Variants in TMEM131 observed in about 807,000 individuals in gnomAD.
TMEM131 encodes 2610524E03Rik.
Under a neutral mutation model 211.6 loss-of-function variants are expected in TMEM131, and 66 were observed. That is an observed-to-expected ratio of 0.31 (90% confidence interval 0.26 to 0.38). TMEM131 has a LOEUF of 0.38. Ranked by LOEUF, TMEM131 falls within the 10% of genes least tolerant of loss-of-function variation. The pLI is 1.00. For missense variants in TMEM131, 2,036 were observed against 2,299.3 expected, an observed-to-expected ratio of 0.89 and a Z score of 2.34; for synonymous variants, 844 against 841.3, an observed-to-expected ratio of 1.00 and a Z score of -0.06.
chr2:97,831,139 C>T (rs372905434), intron 11 of TMEM131, among the ~76,000 whole-genome samples: 4 of 152,180 alleles, frequency 2.6e-5, no homozygotes, highest in African/African-American at 9.7e-5. Context: ...AAATCAGATC[C>T]CAAGTGGTCT....
intron 1 of TMEM131, among the ~76,000 whole-genome samples, chr2:97,961,193 C>G (rs989835437): frequency 2.0e-5 from 3 of 149,206 alleles, no homozygotes; most frequent in Non-Finnish European, 3.0e-5. Context: ...AAGTTAATAA[C>G]AAATATCAAT....
At chr2:97,955,411 C>T (rs1460052255) in intron 1 of TMEM131, among the ~76,000 whole-genome samples, 2 of 152,044 alleles carry the variant, frequency 1.3e-5, no homozygotes, top group African/African-American at 4.8e-5. Context: ...TGATCCACAA[C>T]TTTTTTTCAG....
intron 1 of TMEM131, among the ~76,000 whole-genome samples, chr2:97,963,045 CT>C (rs1401121250): frequency 3.3e-5 from 5 of 152,206 alleles, no homozygotes; most frequent in Non-Finnish European, 7.3e-5. Context: ...CACAGGGGAA[CT>C]TTCTGAGATG....
chr2:97,798,179 T>C (rs537526346), intron 25 of TMEM131, among the ~76,000 whole-genome samples: 54 of 152,406 alleles, frequency 3.5e-4, no homozygotes, highest in Admixed American at 2.6e-3. Context: ...TAGTTTAATA[T>C]TCAAAATATG....
chr2:97,842,031 A>C, intron 6 of TMEM131, 94 bp from the exon 7 acceptor site: 3 of 1,157,506 alleles, frequency 2.6e-6, no homozygotes, highest in South Asian at 6.4e-5. Context: ...TGGCAAATCT[A>C]ATTTATGTAT....
At position 97,770,180 on chromosome 2, in the gene TMEM131, A is replaced by G. The variant is rs547575305; in HGVS notation, c.4448+2117T>C. ...GTGACAGTGTTTGACATTTATTATC[A>G]GAATGCAGTGGAGTCACAGAATGGC... On this transcript the variant is annotated intron_variant, in intron 33 of 40. Coordinates refer to ENST00000186436, the MANE Select transcript of TMEM131 (RefSeq NM_015348.2). 1.4e-4 allele frequency among the ~76,000 whole-genome samples: 22 copies of G among 152,342 alleles called. No individual in the cohort carries two copies. The South Asian group carries it at 4.1e-3, about 29-fold the overall frequency.
At position 97,901,384 on chromosome 2, in the gene TMEM131, T is replaced by C. The variant is rs1261031572; in HGVS notation, c.290+7274A>G. Among the ~76,000 whole-genome samples, 15 of 151,982 alleles carry C rather than the reference T, an allele frequency of 9.9e-5. No individual in the cohort carries two copies. The East Asian group carries it at 2.9e-3, about 29-fold the overall frequency. ...AAGTCTTTAATCCATTTTGAGTTGATTTTTGTATATGGTGAGAGATAAGAG... is the reference window on the plus strand; with the variant it reads ...AAGTCTTTAATCCATTTTGAGTTGACTTTTGTATATGGTGAGAGATAAGAG... On this transcript the variant is annotated intron_variant, in intron 3 of 40. Transcript: ENST00000186436.
chr2:97,821,779 T>A (rs1682133071), intron 11 of TMEM131, among the ~76,000 whole-genome samples: 1 of 152,196 alleles, frequency 6.6e-6, no homozygotes, highest in African/African-American at 2.4e-5. Context: ...TAAAAGCGAC[T>A]GGCACAGCCA....
intron 1 of TMEM131, among the ~76,000 whole-genome samples, chr2:97,966,855 C>T (rs1679081210): frequency 6.6e-6 from 1 of 152,130 alleles, no homozygotes; most frequent in South Asian, 2.1e-4. Flanking sequence ...GCCCATATTC[C>T]AAGTCAGCAG....
rs374337589 is a variant in TMEM131, at chr2:97,772,391, G to A, written c.4354C>T (p.Pro1452Ser). ...GACATTTCACTTTCATGTTTTTCAG[G>A]CATGGCTTGTTTTCCCTTTTGCTTT... ...TEKQKGKQAM[P>S]EKHESEMSQV... is the part of the protein sequence containing the mutation. Residue 1452 changes from proline (P) to serine (S), a missense_variant, in exon 33 of 41, where the codon CCT becomes TCT. Physicochemically the swap from Pro to Ser is moderately conservative, Grantham distance 74 (BLOSUM62 -1). Coordinates refer to ENST00000186436, the MANE Select transcript of TMEM131 (RefSeq NM_015348.2). 5.0e-6 allele frequency: 8 copies of A among 1,610,816 alleles called. No homozygotes were observed. Among genetic ancestry groups the A allele is most frequent in the Non-Finnish European group, 6.8e-6 (8 of 1,179,104 alleles).
intron 4 of TMEM131, among the ~76,000 whole-genome samples, chr2:97,872,865 T>A: frequency 6.6e-6 from 1 of 152,216 alleles, no homozygotes; most frequent in African/African-American, 2.4e-5. Context: ...CCATACCCCA[T>A]TGGCACCTGG....
intron 2 of TMEM131, among the ~76,000 whole-genome samples, chr2:97,926,284 T>A (rs762721617): frequency 6.6e-6 from 1 of 152,156 alleles, no homozygotes; most frequent in Non-Finnish European, 1.5e-5. Context: ...AGGATATATA[T>A]TCTGCCATAG....
At chr2:97,769,714 G>A (rs1465832327) in intron 33 of TMEM131, among the ~76,000 whole-genome samples, 1 of 152,218 alleles carries the variant, frequency 6.6e-6, no homozygotes, top group Non-Finnish European at 1.5e-5. Flanking sequence ...TGAATACTCA[G>A]GGTCCTAAAC....
chr2:97,946,224 C>T (rs1678032856), intron 1 of TMEM131, among the ~76,000 whole-genome samples: 1 of 151,530 alleles, frequency 6.6e-6, no homozygotes, highest in African/African-American at 2.4e-5. Flanking sequence ...GATAAGTAAT[C>T]CATATCTTGT....
chr2:97,920,970 AGTGTGTGTGTGT>A lies in TMEM131; in HGVS notation c.249+6444_249+6455del, dbSNP rs57343769. ...TGAGTGACGCTAATAAAAAATCCCG[AGTGTGTGTGTGT>A]GTGTGTGTGTGTGTGTGTGTGTGTA... On this transcript the variant is annotated intron_variant, in intron 2 of 40. Coordinates refer to ENST00000186436, the MANE Select transcript of TMEM131 (RefSeq NM_015348.2). 4.8e-5 allele frequency among the ~76,000 whole-genome samples: 7 copies of A among 146,720 alleles called. No homozygotes were observed. The East Asian group carries it at 8.0e-4, about 17-fold the overall frequency.
chr2:97,780,643 T>C (rs868792571), intron 31 of TMEM131, among the ~76,000 whole-genome samples: 2 of 152,128 alleles, frequency 1.3e-5, no homozygotes, highest in South Asian at 2.1e-4. Context: ...GGGGCAATCA[T>C]TGTATAACAT....
At chr2:97,800,705 TGA>T (rs1444663323) in intron 25 of TMEM131, among the ~76,000 whole-genome samples, 3 of 151,240 alleles carry the variant, frequency 2.0e-5, no homozygotes, top group African/African-American at 4.9e-5. Context: ...TGCAATGAGC[TGA>T]GATTACACCA....
intron 7 of TMEM131, among the ~76,000 whole-genome samples, chr2:97,838,316 G>C (rs915084145): frequency 5.3e-5 from 8 of 151,892 alleles, no homozygotes; most frequent in Non-Finnish European, 1.2e-4. Flanking sequence ...ATTAAATTTG[G>C]GGTGAAGTAT....
At chr2:97,842,580 T>A (rs958674093) in intron 6 of TMEM131, among the ~76,000 whole-genome samples, 2 of 151,554 alleles carry the variant, frequency 1.3e-5, no homozygotes, top group African/African-American at 4.9e-5. Context: ...GTGGAGGGCA[T>A]TCAGACAGCT....
Sources: gnomAD v4.1 joint callset for allele counts (sites outside exome capture counted in the v4.1 genomes callset) on GRCh38, gnomAD v4.1.1 for gene constraint, MANE v1.5 for transcripts, NCBI Gene and HGNC (gene_info 2026-07-23, HGNC 2026-07-21) for gene names.